The following PPP1R12C variants were observed in gnomAD, a reference collection of about 807,000 sequenced individuals.
PPP1R12C encodes the protein protein phosphatase 1 regulatory subunit 12C.
PPP1R12C carries 48 observed loss-of-function variants against 95.6 expected under a neutral mutation model. The ratio of observed to expected loss-of-function variants is 0.50; its 90% CI spans 0.40 to 0.64. The LOEUF (loss-of-function observed/expected upper bound fraction) is 0.64. Ranked by LOEUF, PPP1R12C falls within the 30% of genes least tolerant of loss-of-function variation. The pLI is 0.00. For synonymous variants in PPP1R12C, 480 were observed against 460.8 expected, an observed-to-expected ratio of 1.04 and a Z score of -0.53; for missense variants, 1,057 against 1,083.3, an observed-to-expected ratio of 0.98 and a Z score of 0.34.
At chr19:55,113,546 G>A (rs1377847951) in intron 1 of PPP1R12C, 20 of 1,360,588 alleles carry the variant, frequency 1.5e-5, no homozygotes, top group Non-Finnish European at 1.7e-5. Context: ...CAGGGGGTCG[G>A]AGGAGGGACT....
In PPP1R12C at chr19:55,103,474, C is replaced by T. The variant is rs144418099; in HGVS notation, c.666G>A (p.Arg222=). The T allele has an allele frequency of 3.7e-4, 587 of 1,599,552 alleles. 6 individuals carry two copies. The African/African-American group carries it at 6.9e-3, about 19-fold the overall frequency. ...WLNGGAMPEA[R]HPRTGASALH... is the part of the protein sequence containing the mutation. Reference sequence around the variant, plus strand: ...GGGCAGAGGCGCCTGTGCGGGGGTGCCGGGCCTCTGGCATGGCGCCCCCAT... The same window carrying T: ...GGGCAGAGGCGCCTGTGCGGGGGTGTCGGGCCTCTGGCATGGCGCCCCCAT... The change falls in exon 4 of 22, where the codon CGG becomes CGA. Residue 222 remains arginine (R), a synonymous_variant. Transcript: ENST00000263433.
chr19:55,116,118 G>A (rs1159697005), intron 1 of PPP1R12C, among the ~76,000 whole-genome samples: 1 of 152,180 alleles, frequency 6.6e-6, no homozygotes, highest in African/African-American at 2.4e-5. Context: ...TAAAGCCAGG[G>A]AGACGGGGTA....
In PPP1R12C at chr19:55,091,123, G is replaced by A; in HGVS notation, c.*349C>T. 3.0e-6 allele frequency: 1 copy of A among 338,624 alleles called. No homozygotes were observed. The highest frequency in any genetic ancestry group is 3.1e-5 in the South Asian group (1 of 32,116). 21.0% of individuals were successfully genotyped at this position (338,624 alleles called of 1,614,324 possible). ...TTGGATCCCTGCTCAGGAGGGGAGG[G>A]GTGACGGGGTGGCATCACACGTGAG... On this transcript the variant is annotated 3_prime_UTR_variant, in exon 22 of 22. Transcript: ENST00000263433.
At position 55,095,915 on chromosome 19, in the gene PPP1R12C, G is replaced by T. The variant is rs145261662; in HGVS notation, c.1179C>A (p.Thr393=). 1 of 1,613,318 alleles carries T rather than the reference G, an allele frequency of 6.2e-7. No homozygotes were observed. The highest frequency in any genetic ancestry group is 2.2e-5 in the East Asian group (1 of 44,868). The part of the protein sequence containing the change: ...PTEPPPAEPR[T]LNGVSSPPHP... ...GCGGCGGGGAGGAGACGCCATTGAGGGTTCTGGGTTCTGCAGGGGGTGGTT... is the reference window on the plus strand; with the variant it reads ...GCGGCGGGGAGGAGACGCCATTGAGTGTTCTGGGTTCTGCAGGGGGTGGTT... The change falls in exon 9 of 22, where the codon ACC becomes ACA. Residue 393 remains threonine (T), a synonymous_variant. Coordinates refer to ENST00000263433, the MANE Select transcript of PPP1R12C (RefSeq NM_017607.4).
Position 55,103,595 on chromosome 19 carries a change from G to T in PPP1R12C, c.572-27C>A, listed in dbSNP as rs374639628. 3.9e-6 allele frequency: 6 copies of T among 1,526,024 alleles called. No individual in the cohort carries two copies. The African/African-American group carries it at 8.3e-5, about 21-fold the overall frequency. The allele number at this position is 1,526,024 out of a possible 1,614,324, so 94.5% of individuals were successfully genotyped here. A position where few individuals can be genotyped will look rare whatever the true frequency, so the allele number is the denominator to read the frequency against. On this transcript the variant is annotated intron_variant, in intron 3 of 21. Coordinates refer to ENST00000263433, the MANE Select transcript of PPP1R12C (RefSeq NM_017607.4). ...TAGGAGGATAAGAGGCACGAGGTAG[G>T]ACTCACACCCCATGACCTGAAATAC...
intron 4 of PPP1R12C, among the ~76,000 whole-genome samples, chr19:55,100,627 T>TTTGGTTTGGTTTTG (rs2084970059): frequency 6.6e-6 from 1 of 152,228 alleles, no homozygotes; most frequent in Non-Finnish European, 1.5e-5. Flanking sequence ...TTTGGTTTTG[T>TTTGGTTTGGTTTTG]TTTGAGACGG....
At chr19:55,108,244 C>A (rs1022822536) in intron 3 of PPP1R12C, among the ~76,000 whole-genome samples, 3 of 150,996 alleles carry the variant, frequency 2.0e-5, no homozygotes, top group African/African-American at 7.3e-5. Context: ...CTAAAATTTA[C>A]CATTTTAACC....
rs1338646074 is a variant in PPP1R12C, at chr19:55,095,962, C to T, written c.1154-22G>A. The T allele has an allele frequency of 5.0e-6, 8 of 1,610,532 alleles. No individual in the cohort carries two copies. In the South Asian group the frequency reaches 5.5e-5, roughly 11 times the overall value. The stretch of plus-strand genomic sequence containing the variant: ...GGTTCTGTGATGTGGGAACACCGGG[C>T]AGGTCACAGAAGATGCCAGTTGCCT... On this transcript the variant is annotated intron_variant, in intron 8 of 21. Coordinates refer to ENST00000263433, the MANE Select transcript of PPP1R12C (RefSeq NM_017607.4).
chr19:55,104,253 T>C (rs1295139976), intron 3 of PPP1R12C, among the ~76,000 whole-genome samples: 1 of 143,638 alleles, frequency 7.0e-6, no homozygotes, highest in African/African-American at 2.6e-5. Flanking sequence ...ATATATATAA[T>C]ATATATATAA....
chr19:55,091,798 C>G, intron 20 of PPP1R12C, 61 bp downstream of exon 20: 1 of 1,611,488 alleles, frequency 6.2e-7, no homozygotes, highest in Non-Finnish European at 8.5e-7. Flanking sequence ...TCCCTTGGTC[C>G]AAACTTAGGG....
intron 3 of PPP1R12C, among the ~76,000 whole-genome samples, chr19:55,104,195 T>C (rs1278335086): frequency 1.0e-4 from 11 of 110,080 alleles, no homozygotes; most frequent in African/African-American, 4.3e-4. Flanking sequence ...TATATATATA[T>C]ATATACACAC....
chr19:55,107,246 T>C (rs971589390), intron 3 of PPP1R12C, among the ~76,000 whole-genome samples: 1 of 152,062 alleles, frequency 6.6e-6, no homozygotes. Context: ...AAACCCCATC[T>C]CTACTAAAAA....
At chr19:55,112,864 G>C in intron 1 of PPP1R12C, 69 bp from the exon 2 acceptor site, 1 of 1,591,954 alleles carries the variant, frequency 6.3e-7, no homozygotes, top group African/African-American at 1.3e-5. Context: ...CGGGACTCCA[G>C]AGGGAGCCAC....
At chr19:55,101,283 T>C (rs1162232675) in intron 4 of PPP1R12C, among the ~76,000 whole-genome samples, 2 of 152,086 alleles carry the variant, frequency 1.3e-5, no homozygotes, top group Non-Finnish European at 2.9e-5. Flanking sequence ...AGTCAGTAGG[T>C]CTGAGTGTAA....
Position 55,117,576 on chromosome 19 carries a change from C to T in PPP1R12C, c.-33G>A, listed in dbSNP as rs2085170246. On this transcript the variant is annotated 5_prime_UTR_variant, in exon 1 of 22. Coordinates refer to ENST00000263433, the MANE Select transcript of PPP1R12C (RefSeq NM_017607.4). ...CCCGCCCGCCCAGCGAGCGAGCGAG[C>T]GCCGAGCCCCAACCGCCGCCACCAC... 2 of 986,996 alleles carry T rather than the reference C, an allele frequency of 2.0e-6. No homozygotes were observed. The highest frequency in any genetic ancestry group is 2.4e-6 in the Non-Finnish European group (2 of 830,942). The allele number at this position is 986,996 out of a possible 1,614,324, so 61.1% of individuals were successfully genotyped here.
chr19:55,117,612 GCCC>G lies in PPP1R12C; in HGVS notation c.-72_-70del, dbSNP rs1555852635. 2.7e-5 allele frequency: 21 copies of G among 780,016 alleles called. No homozygotes were observed. Among genetic ancestry groups the G allele is most frequent in the Non-Finnish European group, 3.0e-5 (21 of 704,796 alleles). The allele number at this position is 780,016 out of a possible 1,614,324, so 48.3% of individuals were successfully genotyped here. A position where few individuals can be genotyped will look rare whatever the true frequency, so the allele number is the denominator to read the frequency against. On this transcript the variant is annotated 5_prime_UTR_variant, in exon 1 of 22. Coordinates refer to ENST00000263433, the MANE Select transcript of PPP1R12C (RefSeq NM_017607.4). ...AACCGCCGCCACCACCCGCCCGCCCGCCCGCCCCGGGGGCCGCCGGGAACTGCC... is the reference window on the plus strand; with the variant it reads ...AACCGCCGCCACCACCCGCCCGCCCGGCCCCGGGGGCCGCCGGGAACTGCC...
intron 3 of PPP1R12C, among the ~76,000 whole-genome samples, chr19:55,104,057 G>T (rs2085007125): frequency 6.7e-6 from 1 of 148,770 alleles, no homozygotes; most frequent in South Asian, 2.1e-4. Context: ...CAGCTACTTG[G>T]GAGGCTGAGG....
chr19:55,107,162 C>T (rs1480070201), intron 3 of PPP1R12C, among the ~76,000 whole-genome samples: 1 of 152,036 alleles, frequency 6.6e-6, no homozygotes, highest in Non-Finnish European at 1.5e-5. Flanking sequence ...GCCTGTAATC[C>T]CAGCACTTTG....
At chr19:55,104,920 C>T (rs1484323337) in intron 3 of PPP1R12C, among the ~76,000 whole-genome samples, 8 of 151,820 alleles carry the variant, frequency 5.3e-5, no homozygotes, top group South Asian at 2.1e-4. Flanking sequence ...TACAGGCACA[C>T]GCCACCACAC....
Sources: gnomAD v4.1 joint callset for allele counts (sites outside exome capture counted in the v4.1 genomes callset) on GRCh38, gnomAD v4.1.1 for gene constraint, MANE v1.5 for transcripts, NCBI Gene and HGNC (gene_info 2026-07-23, HGNC 2026-07-21) for gene names.